Variants in NKAIN2 observed in about 807,000 individuals in gnomAD.
The protein encoded by NKAIN2 is sodium/potassium-transporting ATPase subunit beta-1-interacting protein 2.
A neutral mutation model predicts 32.6 loss-of-function variants in NKAIN2; 14 were observed. That is an observed-to-expected ratio of 0.43 (90% CI 0.28 to 0.67). The LOEUF (loss-of-function observed/expected upper bound fraction) is 0.67, where lower values mean the gene tolerates loss of function less well. Among genes scored for constraint, NKAIN2 ranks in the 30% least tolerant of loss-of-function variants. The pLI is 0.17. For synonymous variants in NKAIN2, 80 were observed against 87.2 expected (o/e 0.92, Z 0.46); for missense variants, 198 against 258.3 (o/e 0.77, Z 1.60).
At chr6:123,807,536 A>C (rs751317306) in intron 1 of NKAIN2, among the ~76,000 whole-genome samples, 2 of 152,060 alleles carry the variant, frequency 1.3e-5, no homozygotes, top group Non-Finnish European at 2.9e-5. Context: ...CTTATTTACT[A>C]TTTGTAACTT....
At chr6:124,658,069 A>G (rs1784603149) in intron 3 of NKAIN2, 117 bp from the exon 4 acceptor site, 4 of 699,174 alleles carry the variant, frequency 5.7e-6, no homozygotes, top group African/African-American at 3.6e-5. Flanking sequence ...ATGGGGTAGG[A>G]AAAAAAAAAC....
intron 2 of NKAIN2, among the ~76,000 whole-genome samples, chr6:124,343,719 T>C (rs1798259491): frequency 6.7e-6 from 1 of 149,976 alleles, no homozygotes; most frequent in Non-Finnish European, 1.5e-5. Context: ...TCATTGTAGA[T>C]TCTGGATATT....
chr6:124,634,427 C>G (rs1193362989), intron 3 of NKAIN2, among the ~76,000 whole-genome samples: 1 of 151,940 alleles, frequency 6.6e-6, no homozygotes, highest in Non-Finnish European at 1.5e-5. Flanking sequence ...AAACAGAAAT[C>G]ATATTTGAAG....
At chr6:124,021,059 G>A (rs180764878) in intron 1 of NKAIN2, among the ~76,000 whole-genome samples, 10 of 152,162 alleles carry the variant, frequency 6.6e-5, no homozygotes, top group Admixed American at 5.9e-4. Flanking sequence ...TTTACTGTAA[G>A]TAAAATTGAG....
At chr6:124,152,798 A>T (rs1311873561) in intron 1 of NKAIN2, among the ~76,000 whole-genome samples, 1 of 151,986 alleles carries the variant, frequency 6.6e-6, no homozygotes, top group African/African-American at 2.4e-5. Context: ...AATTTGGCAT[A>T]TATGCACAAT....
chr6:124,460,718 T>C (rs1378567917), intron 3 of NKAIN2, among the ~76,000 whole-genome samples: 3 of 151,760 alleles, frequency 2.0e-5, no homozygotes, highest in Non-Finnish European at 4.4e-5. Flanking sequence ...TGTTAACTGC[T>C]TTAAATTTGG....
chr6:124,599,821 T>C (rs2114978268), intron 3 of NKAIN2, among the ~76,000 whole-genome samples: 1 of 152,014 alleles, frequency 6.6e-6, no homozygotes, highest in Non-Finnish European at 1.5e-5. Context: ...TGACCAAGGG[T>C]GATGATAAAT....
rs1410363558 is a variant in NKAIN2, at chr6:124,357,976, T to C, written c.273+2629T>C. Among the ~76,000 whole-genome samples, 5 of 145,454 alleles carry C rather than the reference T, an allele frequency of 3.4e-5. No individual in the cohort carries two copies. The East Asian group carries it at 6.0e-4, about 17-fold the overall frequency. ...GTGTGTGATGTTCCCCTTCCTGTGT[T>C]CATGTGTTCTCATTGTTCAATTCCC... On this transcript the variant is annotated intron_variant, in intron 3 of 6. Coordinates refer to ENST00000368417, the MANE Select transcript of NKAIN2 (RefSeq NM_001040214.3).
intron 1 of NKAIN2, among the ~76,000 whole-genome samples, chr6:123,882,908 C>T (rs1398298312): frequency 6.6e-6 from 1 of 152,188 alleles, no homozygotes; most frequent in Non-Finnish European, 1.5e-5. Flanking sequence ...TCACAGAACA[C>T]CACAATCAGC....
intron 1 of NKAIN2, among the ~76,000 whole-genome samples, chr6:124,015,100 A>G (rs1322064574): frequency 6.6e-6 from 1 of 152,332 alleles, no homozygotes; most frequent in South Asian, 2.1e-4. Flanking sequence ...CACAACTAGT[A>G]GAGTGTAAAG....
intron 3 of NKAIN2, among the ~76,000 whole-genome samples, chr6:124,567,478 C>T (rs1414799550): frequency 2.0e-5 from 3 of 152,230 alleles, no homozygotes; most frequent in African/African-American, 4.8e-5. Context: ...TCTCCGTCTC[C>T]TCAACCAAAA....
chr6:124,231,183 G>C (rs1384160483), intron 1 of NKAIN2, among the ~76,000 whole-genome samples: 1 of 152,216 alleles, frequency 6.6e-6, no homozygotes, highest in Non-Finnish European at 1.5e-5. Flanking sequence ...TGTTGGACTT[G>C]CATGGGGCCT....
intron 1 of NKAIN2, among the ~76,000 whole-genome samples, chr6:123,864,409 A>G (rs1474303422): frequency 6.6e-6 from 1 of 152,222 alleles, no homozygotes; most frequent in Non-Finnish European, 1.5e-5. Context: ...TATTCCTCCT[A>G]CCAAGTACTG....
intron 1 of NKAIN2, among the ~76,000 whole-genome samples, chr6:124,093,292 A>G (rs1784511439): frequency 6.6e-6 from 1 of 152,244 alleles, no homozygotes; most frequent in Admixed American, 6.5e-5. Context: ...TGTTGTAATC[A>G]TGCTGCCAAG....
chr6:124,702,174 A>C (rs1251452894), intron 4 of NKAIN2, among the ~76,000 whole-genome samples: 1 of 152,134 alleles, frequency 6.6e-6, no homozygotes, highest in Non-Finnish European at 1.5e-5. Flanking sequence ...TATCAAAACC[A>C]GGCATGGGAA....
At chr6:124,753,210 AG>A (rs1471340139) in intron 4 of NKAIN2, among the ~76,000 whole-genome samples, 1 of 152,152 alleles carries the variant, frequency 6.6e-6, no homozygotes, top group Non-Finnish European at 1.5e-5. Flanking sequence ...AAAATGTAAA[AG>A]TCTCTAATCC....
intron 1 of NKAIN2, among the ~76,000 whole-genome samples, chr6:123,969,503 T>C (rs1778242284): frequency 6.6e-6 from 1 of 152,180 alleles, no homozygotes; most frequent in African/African-American, 2.4e-5. Flanking sequence ...GAAGGGACCG[T>C]TGCACTAGCT....
chr6:124,114,511 G>A lies in NKAIN2; in HGVS notation c.55-168494G>A, dbSNP rs562911593. On this transcript the variant is annotated intron_variant, in intron 1 of 6. Coordinates refer to ENST00000368417, the MANE Select transcript of NKAIN2 (RefSeq NM_001040214.3). Reference sequence around the variant, plus strand: ...GTTGGCTATATGAGTTTAAGTTCAGGGAAATATCTATTTGAAAATCATCAG... The same window carrying A: ...GTTGGCTATATGAGTTTAAGTTCAGAGAAATATCTATTTGAAAATCATCAG... Among the ~76,000 whole-genome samples, 3 of 151,982 alleles carry A rather than the reference G, an allele frequency of 2.0e-5. 1 individual carries two copies. The South Asian group carries it at 6.2e-4, about 32-fold the overall frequency.
chr6:124,511,239 T>C (rs142724731), intron 3 of NKAIN2, among the ~76,000 whole-genome samples: 1 of 152,286 alleles, frequency 6.6e-6, no homozygotes, highest in African/African-American at 2.4e-5. Flanking sequence ...AGTTCAGAGA[T>C]TATAAATGCA....
Sources: gnomAD v4.1 joint callset for allele counts (sites outside exome capture counted in the v4.1 genomes callset) on GRCh38, gnomAD v4.1.1 for gene constraint, MANE v1.5 for transcripts, NCBI Gene and HGNC (gene_info 2026-07-23, HGNC 2026-07-21) for gene names.